Variants in UBE2H observed in about 807,000 individuals in gnomAD.
UBE2H encodes ubiquitin-conjugating enzyme E2 H.
In UBE2H, 3 loss-of-function variants were observed where a neutral mutation model predicts 29.0. The observed-to-expected ratio is 0.10, with a 90% confidence interval of 0.05 to 0.27. The LOEUF is 0.27. Ranked by LOEUF, UBE2H falls within the 10% of genes least tolerant of loss-of-function variation. The probability of loss-of-function intolerance (pLI) is 1.00; values close to 1 mark genes in which losing one functional copy is unlikely to be tolerated. For synonymous variants in UBE2H, 69 were observed against 82.9 expected, an observed-to-expected ratio of 0.83 and a Z score of 0.91; for missense variants, 68 against 228.2, an observed-to-expected ratio of 0.30 and a Z score of 4.52.
At chr7:129,911,603 AAAC>A (rs1411903625) in intron 1 of UBE2H, among the ~76,000 whole-genome samples, 2 of 152,112 alleles carry the variant, frequency 1.3e-5, no homozygotes, top group Admixed American at 6.6e-5. Flanking sequence ...AGAGTTTAGG[AAAC>A]AACAACTCAA....
In UBE2H at chr7:129,833,065, GT is replaced by G. The variant is rs201172057; in HGVS notation, c.*1871del. The G allele has an allele frequency of 4.9e-3, 744 of 151,652 alleles. 28 individuals carry two copies. Among genetic ancestry groups the G allele is most frequent in the Admixed American group, 0.044 (667 of 15,198 alleles). The allele number at this position is 151,652 out of a possible 1,614,324, so 9.4% of individuals were successfully genotyped here. ...GATGCTAGATGGATAACTCAGTACGGTTAACTAACCACAGCCCTACATCACT... is the reference window on the plus strand; with the variant it reads ...GATGCTAGATGGATAACTCAGTACGGTAACTAACCACAGCCCTACATCACT... On this transcript the variant is annotated 3_prime_UTR_variant, in exon 7 of 7. Transcript: ENST00000355621.
At chr7:129,868,006 G>C (rs1267783040) in intron 3 of UBE2H, among the ~76,000 whole-genome samples, 1 of 152,110 alleles carries the variant, frequency 6.6e-6, no homozygotes, top group East Asian at 1.9e-4. Context: ...ATCTCAAACT[G>C]TGAACAGGTT....
At chr7:129,946,964 T>C (rs1807777332) in intron 1 of UBE2H, among the ~76,000 whole-genome samples, 1 of 152,176 alleles carries the variant, frequency 6.6e-6, no homozygotes, top group Admixed American at 6.6e-5. Flanking sequence ...CCATCAAATC[T>C]GTTAAGACTG....
chr7:129,887,807 C>T (rs944248838), intron 1 of UBE2H, among the ~76,000 whole-genome samples: 14 of 151,964 alleles, frequency 9.2e-5, no homozygotes, highest in African/African-American at 2.7e-4. Flanking sequence ...GCGGAGATTA[C>T]GGTGAGCCAA....
At chr7:129,899,617 C>T (rs1218787882) in intron 1 of UBE2H, among the ~76,000 whole-genome samples, 5 of 152,276 alleles carry the variant, frequency 3.3e-5, no homozygotes, top group Non-Finnish European at 7.3e-5. Flanking sequence ...CAAAAACTTA[C>T]TAAGATATGA....
intron 1 of UBE2H, among the ~76,000 whole-genome samples, chr7:129,903,007 G>A (rs145119990): frequency 7.4e-4 from 112 of 152,290 alleles, no homozygotes; most frequent in African/African-American, 2.4e-3. Flanking sequence ...CTATTGAGTC[G>A]TAGAGCTGCT....
At chr7:129,842,867 C>T (rs1243406096) in intron 5 of UBE2H, among the ~76,000 whole-genome samples, 3 of 152,036 alleles carry the variant, frequency 2.0e-5, no homozygotes, top group Non-Finnish European at 4.4e-5. Flanking sequence ...TGCGCCATTG[C>T]ACCGCAGCCT....
chr7:129,857,213 C>CA (rs1584747435), intron 5 of UBE2H: 1 of 330,422 alleles, frequency 3.0e-6, no homozygotes, highest in East Asian at 5.3e-5. Context: ...CTAATACATA[C>CA]ATATAAAATG....
At chr7:129,929,971 C>T (rs553264701) in intron 1 of UBE2H, among the ~76,000 whole-genome samples, 25 of 152,152 alleles carry the variant, frequency 1.6e-4, no homozygotes, top group African/African-American at 5.5e-4. Context: ...GATCGCACTG[C>T]TGCACTCCAG....
intron 5 of UBE2H, among the ~76,000 whole-genome samples, chr7:129,850,133 C>G (rs967486684): frequency 1.3e-5 from 2 of 151,956 alleles, no homozygotes; most frequent in Admixed American, 6.6e-5. Context: ...TTGGGAGGCC[C>G]AGGTGGGCAG....
chr7:129,846,621 G>T (rs1036478703), intron 5 of UBE2H, among the ~76,000 whole-genome samples: 1 of 152,084 alleles, frequency 6.6e-6, no homozygotes, highest in African/African-American at 2.4e-5. Flanking sequence ...AAATCCTGTG[G>T]ATACCCAAAC....
intron 3 of UBE2H, among the ~76,000 whole-genome samples, chr7:129,873,497 C>T (rs1389395016): frequency 2.0e-5 from 3 of 146,576 alleles, no homozygotes; most frequent in African/African-American, 5.1e-5. Flanking sequence ...TGCAGTGATG[C>T]TATCTCAGCA....
At chr7:129,880,277 C>G (rs141498979) in intron 2 of UBE2H, among the ~76,000 whole-genome samples, 1 of 152,142 alleles carries the variant, frequency 6.6e-6, no homozygotes, top group Non-Finnish European at 1.5e-5. Context: ...GAGGCTGAGG[C>G]GGGTGGATCA....
intron 1 of UBE2H, among the ~76,000 whole-genome samples, chr7:129,903,593 T>C (rs1436111518): frequency 6.8e-6 from 1 of 147,372 alleles, no homozygotes; most frequent in East Asian, 2.0e-4. Context: ...CAAGACGCCA[T>C]ATCTACAAAA....
At chr7:129,918,970 G>A (rs1193388658) in intron 1 of UBE2H, among the ~76,000 whole-genome samples, 1 of 151,960 alleles carries the variant, frequency 6.6e-6, no homozygotes, top group Non-Finnish European at 1.5e-5. Context: ...TATAGTACCA[G>A]CTACTGAGGT....
At chr7:129,855,634 A>G (rs933687986) in intron 5 of UBE2H, among the ~76,000 whole-genome samples, 1 of 151,916 alleles carries the variant, frequency 6.6e-6, no homozygotes, top group Non-Finnish European at 1.5e-5. Context: ...GCGTGTGTAT[A>G]GAGAGAGAGA....
At chr7:129,948,403 C>T (rs959201058) in intron 1 of UBE2H, among the ~76,000 whole-genome samples, 12 of 152,182 alleles carry the variant, frequency 7.9e-5, no homozygotes, top group East Asian at 1.9e-4. Flanking sequence ...TAACTCAGGC[C>T]GTTTTAATGT....
At chr7:129,869,736 G>A (rs1805989914) in intron 3 of UBE2H, among the ~76,000 whole-genome samples, 1 of 152,210 alleles carries the variant, frequency 6.6e-6, no homozygotes, top group South Asian at 2.1e-4. Context: ...GTATTTGGGA[G>A]GACAGGGGTG....
intron 1 of UBE2H, among the ~76,000 whole-genome samples, chr7:129,887,285 G>A (rs563709133): frequency 2.8e-5 from 4 of 144,028 alleles, no homozygotes; most frequent in East Asian, 2.1e-4. Flanking sequence ...GCAGTCGCAC[G>A]ATCTCAGCTC....
Sources: gnomAD v4.1 joint callset for allele counts (sites outside exome capture counted in the v4.1 genomes callset) on GRCh38, gnomAD v4.1.1 for gene constraint, MANE v1.5 for transcripts, NCBI Gene and HGNC (gene_info 2026-07-23, HGNC 2026-07-21) for gene names.